Variants in SYT6 observed in about 807,000 individuals in gnomAD.
The protein encoded by SYT6 is synaptotagmin 6, also known as synaptotagmin-6.
SYT6 carries 24 observed loss-of-function variants against 38.4 expected under a neutral mutation model. That is an observed-to-expected ratio of 0.62 (90% CI 0.45 to 0.88). The LOEUF (loss-of-function observed/expected upper bound fraction) is 0.88. SYT6 is among the 40% of genes least tolerant of loss of function. SYT6 has a pLI of 0.00. For synonymous variants in SYT6, 265 were observed against 241.9 expected, an observed-to-expected ratio of 1.10 and a Z score of -0.89; for missense variants, 611 against 621.0, an observed-to-expected ratio of 0.98 and a Z score of 0.17.
intron 1 of SYT6, among the ~76,000 whole-genome samples, chr1:114,151,414 C>G (rs1350356002): frequency 6.6e-6 from 1 of 152,208 alleles, no homozygotes; most frequent in Non-Finnish European, 1.5e-5. Context: ...CCTGCCGACT[C>G]TCACCCCTCA....
chr1:114,125,883 C>T (rs969979728), intron 3 of SYT6, among the ~76,000 whole-genome samples: 2 of 152,082 alleles, frequency 1.3e-5, no homozygotes, highest in African/African-American at 4.8e-5. Context: ...CTTAGATCTT[C>T]CTTGCATGGA....
chr1:114,140,449 G>T lies in SYT6; in HGVS notation c.164-486C>A, dbSNP rs1016823035. ...TCCTTAACAGGGTGTGATACCTTGGGGGGCAGAGGCTGGCTAACTCATCCT... is the reference window on the plus strand; with the variant it reads ...TCCTTAACAGGGTGTGATACCTTGGTGGGCAGAGGCTGGCTAACTCATCCT... On this transcript the variant is annotated intron_variant, in intron 1 of 7. Transcript: ENST00000610222. Among the ~76,000 whole-genome samples the T allele has an allele frequency of 7.9e-5, 12 of 152,102 alleles. No homozygotes were observed. The South Asian group carries it at 2.3e-3, about 29-fold the overall frequency.
chr1:114,143,295 A>C (rs1283206472), intron 1 of SYT6, among the ~76,000 whole-genome samples: 1 of 149,120 alleles, frequency 6.7e-6, no homozygotes, highest in East Asian at 1.9e-4. Context: ...GAATTACACA[A>C]AGTTATATAT....
chr1:114,145,721 C>A (rs145158502), intron 1 of SYT6, among the ~76,000 whole-genome samples: 1 of 152,220 alleles, frequency 6.6e-6, no homozygotes, highest in African/African-American at 2.4e-5. Flanking sequence ...CACCTCAAAA[C>A]AAAAGGTGTT....
chr1:114,133,280 T>C (rs1387336131), intron 3 of SYT6, among the ~76,000 whole-genome samples: 1 of 152,050 alleles, frequency 6.6e-6, no homozygotes, highest in Non-Finnish European at 1.5e-5. Flanking sequence ...ACAGCACATA[T>C]TTATGGCCCC....
rs189997962 is a variant in SYT6 at position 114,147,555 on chromosome 1, T to C, written c.163+6055A>G. ...GCTTTGGGATCACACCCCAGTGACA[T>C]AGCCTTGTACAGGGGCACATGGCTT... is the stretch of plus-strand genomic sequence containing the variant. On this transcript the variant is annotated intron_variant, in intron 1 of 7. Coordinates refer to ENST00000610222, the MANE Select transcript of SYT6 (RefSeq NM_001253772.2). Among the ~76,000 whole-genome samples, 3 of 152,326 alleles carry C rather than the reference T, an allele frequency of 2.0e-5. No individual in the cohort carries two copies. The East Asian group carries it at 5.8e-4, about 29-fold the overall frequency.
intron 4 of SYT6, 77 bp downstream of exon 4, chr1:114,103,524 T>G (rs2100987342): frequency 1.3e-6 from 2 of 1,576,720 alleles, no homozygotes; most frequent in South Asian, 1.2e-5. Context: ...CTGACAATTC[T>G]TTCTCCTTCT....
At chr1:114,100,918 A>G (rs1002415077) in intron 4 of SYT6, among the ~76,000 whole-genome samples, 1 of 152,048 alleles carries the variant, frequency 6.6e-6, no homozygotes, top group African/African-American at 2.4e-5. Context: ...TGCTCTACCT[A>G]TTTCCATACA....
At chr1:114,112,882 C>G (rs1399310885) in intron 3 of SYT6, among the ~76,000 whole-genome samples, 2 of 152,324 alleles carry the variant, frequency 1.3e-5, no homozygotes, top group East Asian at 3.9e-4. Context: ...GGTGAGAGAT[C>G]TGCTCTCTGC....
At chr1:114,128,802 T>C (rs1237261718) in intron 3 of SYT6, among the ~76,000 whole-genome samples, 1 of 152,234 alleles carries the variant, frequency 6.6e-6, no homozygotes, top group Non-Finnish European at 1.5e-5. Context: ...CTGGGTTTTC[T>C]TCATAGCCCC....
At chr1:114,120,540 A>T (rs539787954) in intron 3 of SYT6, among the ~76,000 whole-genome samples, 1 of 152,198 alleles carries the variant, frequency 6.6e-6, no homozygotes, top group Admixed American at 6.5e-5. Flanking sequence ...CGCATGTCCT[A>T]TGAGCTAGCT....
At chr1:114,143,969 T>C (rs1679025954) in intron 1 of SYT6, among the ~76,000 whole-genome samples, 2 of 152,226 alleles carry the variant, frequency 1.3e-5, no homozygotes, top group Non-Finnish European at 2.9e-5. Context: ...CAAGGCCTCT[T>C]CTTGCTCGGA....
intron 3 of SYT6, among the ~76,000 whole-genome samples, chr1:114,125,937 C>T (rs577929319): frequency 6.6e-6 from 1 of 152,052 alleles, no homozygotes; most frequent in African/African-American, 2.4e-5. Flanking sequence ...TTGCTCTGTG[C>T]CCTTTGACAT....
chr1:114,148,609 G>A (rs1342694123), intron 1 of SYT6, among the ~76,000 whole-genome samples: 1 of 152,132 alleles, frequency 6.6e-6, no homozygotes, highest in Non-Finnish European at 1.5e-5. Flanking sequence ...GAAGAAGAGC[G>A]TTTAGCCTGG....
intron 3 of SYT6, among the ~76,000 whole-genome samples, chr1:114,116,624 G>A (rs1382035757): frequency 3.3e-5 from 5 of 152,014 alleles, no homozygotes; most frequent in South Asian, 2.1e-4. Flanking sequence ...CCCTTGGTGC[G>A]GGATATTTAA....
intron 3 of SYT6, among the ~76,000 whole-genome samples, chr1:114,135,239 A>T (rs1237852891): frequency 6.6e-6 from 1 of 152,034 alleles, no homozygotes; most frequent in Non-Finnish European, 1.5e-5. Flanking sequence ...CGAGTTATTT[A>T]TAACTGTCCT....
chr1:114,122,595 T>C (rs553011132), intron 3 of SYT6, among the ~76,000 whole-genome samples: 1 of 152,140 alleles, frequency 6.6e-6, no homozygotes, highest in Admixed American at 6.5e-5. Context: ...TCTGCTGAGA[T>C]TCTACTTCCC....
At chr1:114,104,378 G>A (rs963438125) in intron 3 of SYT6, among the ~76,000 whole-genome samples, 1 of 152,146 alleles carries the variant, frequency 6.6e-6, no homozygotes, top group Admixed American at 6.5e-5. Flanking sequence ...CAGAGCACAC[G>A]CTCTGCTGCC....
At chr1:114,093,928 A>T in intron 6 of SYT6, 125 bp from the exon 7 acceptor site, 1 of 868,792 alleles carries the variant, frequency 1.2e-6, no homozygotes, top group Non-Finnish European at 1.9e-6. Flanking sequence ...ACAGACCTTC[A>T]TTTTAGGAGT....
Sources: allele counts gnomAD v4.1 joint callset (sites outside exome capture counted in the v4.1 genomes callset), GRCh38; gene constraint gnomAD v4.1.1; transcripts MANE v1.5; gene names NCBI Gene and HGNC (gene_info 2026-07-23, HGNC 2026-07-21).